GALK2: variants seen among roughly 807,000 people sequenced by gnomAD.
GALK2 encodes galactokinase 2.
GALK2 carries 36 observed loss-of-function variants against 52.4 expected under a neutral mutation model. The ratio of observed to expected loss-of-function variants is 0.69; its 90% CI spans 0.53 to 0.91. The LOEUF (loss-of-function observed/expected upper bound fraction) is 0.91, where lower values mean the gene tolerates loss of function less well. Among genes scored for constraint, GALK2 ranks in the 40% least tolerant of loss-of-function variants. GALK2 has a pLI of 0.00. For missense variants in GALK2, 579 were observed against 559.1 expected, an observed-to-expected ratio of 1.04 and a Z score of -0.36; for synonymous variants, 176 against 199.1, an observed-to-expected ratio of 0.88 and a Z score of 0.98.
At chr15:49,155,841 C>T (rs757398343) in exon 1 of GALK2, 1 of 834,896 alleles carries the variant, frequency 1.2e-6, no homozygotes, top group Non-Finnish European at 1.9e-6. Flanking sequence ...AGGTCTCAGC[C>T]GAAGGGCGTC....
exon 4 of GALK2, chr15:49,367,662 A>T: frequency 6.8e-7 from 1 of 1,463,196 alleles, no homozygotes; most frequent in Non-Finnish European, 9.2e-7. Flanking sequence ...TTTCTAAAAA[A>T]CTGTGAATAA....
At chr15:49,232,088 T>G (rs1345943114) in intron 3 of GALK2, among the ~76,000 whole-genome samples, 1 of 152,242 alleles carries the variant, frequency 6.6e-6, no homozygotes, top group East Asian at 1.9e-4. Context: ...AGATTCTCCA[T>G]GACGGCTCTG....
chr15:49,365,564 C>A, intron 3 of GALK2: 1 of 890,492 alleles, frequency 1.1e-6, no homozygotes. Flanking sequence ...AAAGGTCCAG[C>A]TGCAAGTTTA....
intron 5 of GALK2, among the ~76,000 whole-genome samples, chr15:49,240,011 C>A (rs2091015037): frequency 2.6e-5 from 4 of 152,142 alleles, no homozygotes; most frequent in African/African-American, 9.7e-5. Context: ...ACATATACTA[C>A]CAGGTTTACG....
chr15:49,350,602 A>T (rs748995583), intron 3 of GALK2, among the ~76,000 whole-genome samples: 49 of 152,166 alleles, frequency 3.2e-4, no homozygotes, highest in Admixed American at 7.2e-4. Flanking sequence ...TAAAAGTAAG[A>T]ACAAATGGTT....
At chr15:49,295,140 T>G (rs2034344333) in intron 8 of GALK2, among the ~76,000 whole-genome samples, 2 of 144,996 alleles carry the variant, frequency 1.4e-5, no homozygotes, top group Non-Finnish European at 1.5e-5. Context: ...TATCTAGGAG[T>G]GAAGGAAAGA....
downstream of GALK2, among the ~76,000 whole-genome samples, chr15:49,333,047 C>T (rs1188247539): frequency 6.6e-6 from 1 of 152,134 alleles, no homozygotes; most frequent in Non-Finnish European, 1.5e-5. Context: ...TTAGAATCTC[C>T]TTGAACTGCA....
chr15:49,237,745 G>A (rs2090899812), intron 4 of GALK2, among the ~76,000 whole-genome samples: 1 of 152,126 alleles, frequency 6.6e-6, no homozygotes, highest in South Asian at 2.1e-4. Context: ...AAAGTGCTGG[G>A]ATTGCAGGTG....
intron 1 of GALK2, among the ~76,000 whole-genome samples, chr15:49,196,439 C>G (rs2087242035): frequency 6.6e-6 from 1 of 151,926 alleles, no homozygotes. Flanking sequence ...TGTTATTTTT[C>G]TTGTTAATAA....
chr15:49,327,917 TA>T (rs768211728), intron 9 of GALK2, 34 bp from the exon 10 acceptor site: 52 of 1,581,676 alleles, frequency 3.3e-5, no homozygotes, highest in Admixed American at 5.3e-5. Context: ...TATTTTCATT[TA>T]TAGGTTCTAA....
intron 3 of GALK2, among the ~76,000 whole-genome samples, chr15:49,220,776 A>G (rs1313104131): frequency 6.6e-6 from 1 of 152,168 alleles, no homozygotes; most frequent in Non-Finnish European, 1.5e-5. Context: ...TAGCCATTCT[A>G]ACTTGGGTAA....
intron 5 of GALK2, among the ~76,000 whole-genome samples, chr15:49,265,013 G>C (rs1218756066): frequency 2.6e-5 from 4 of 152,172 alleles, no homozygotes; most frequent in Non-Finnish European, 5.9e-5. Flanking sequence ...TAGGCTGCTT[G>C]GGGGTCAGGG....
chr15:49,229,967 G>T (rs1056638821), intron 3 of GALK2, among the ~76,000 whole-genome samples: 2 of 152,166 alleles, frequency 1.3e-5, no homozygotes, highest in Non-Finnish European at 2.9e-5. Flanking sequence ...GTGAGTGAGG[G>T]AGTCTGTATT....
chr15:49,329,130 T>A lies in GALK2; in HGVS notation c.*971T>A. ...GCTTGTCTAGCAAAGCTTGTTTGTA[T>A]ATATGCACCCCATTGTAAAGCAGGT... On this transcript the variant is annotated 3_prime_UTR_variant, in exon 10 of 10. Transcript: ENST00000560031. 1 of 991,660 alleles carries A rather than the reference T, an allele frequency of 1.0e-6. No homozygotes were observed. Among genetic ancestry groups the A allele is most frequent in the African/African-American group, 1.7e-5 (1 of 57,394 alleles). 61.4% of individuals were successfully genotyped at this position (991,660 alleles called of 1,614,324 possible).
At chr15:49,161,480 C>A (rs186151442) in intron 1 of GALK2, among the ~76,000 whole-genome samples, 1 of 152,250 alleles carries the variant, frequency 6.6e-6, no homozygotes, top group African/African-American at 2.4e-5. Flanking sequence ...ATACTTTATA[C>A]CGTTAAGATA....
intron 2 of GALK2, among the ~76,000 whole-genome samples, chr15:49,212,265 G>T (rs1376422004): frequency 6.6e-6 from 1 of 151,836 alleles, no homozygotes; most frequent in African/African-American, 2.4e-5. Flanking sequence ...GATAATTTTT[G>T]TATTTTTAGT....
chr15:49,284,596 A>AT (rs2033131710), intron 7 of GALK2, among the ~76,000 whole-genome samples: 1 of 152,208 alleles, frequency 6.6e-6, no homozygotes, highest in East Asian at 1.9e-4. Flanking sequence ...ATACTGATGG[A>AT]TATCACCTAA....
intron 5 of GALK2, among the ~76,000 whole-genome samples, chr15:49,274,685 AAC>A (rs1319070066): frequency 6.6e-6 from 1 of 152,178 alleles, no homozygotes; most frequent in Admixed American, 6.5e-5. Context: ...TTGAAACACA[AAC>A]ACATTGTATA....
At chr15:49,234,162 C>G (rs933063490) in intron 3 of GALK2, among the ~76,000 whole-genome samples, 4 of 152,136 alleles carry the variant, frequency 2.6e-5, no homozygotes, top group Non-Finnish European at 4.4e-5. Flanking sequence ...ATTGATTCTC[C>G]CATTTCACAT....
Sources: allele counts gnomAD v4.1 joint callset (sites outside exome capture counted in the v4.1 genomes callset), GRCh38; gene constraint gnomAD v4.1.1; transcripts MANE v1.5; gene names NCBI Gene and HGNC (gene_info 2026-07-23, HGNC 2026-07-21).